Variants in SASH1 observed in about 807,000 individuals in gnomAD.
SASH1 encodes SAM and SH3 domain containing 1, also known as SAM and SH3 domain-containing protein 1.
In SASH1, 44 loss-of-function variants were observed where a neutral mutation model predicts 125.2. The observed-to-expected ratio is 0.35, with a 90% CI of 0.28 to 0.45. SASH1 has a LOEUF of 0.45. Ranked by LOEUF, SASH1 falls within the 20% of genes least tolerant of loss-of-function variation. The pLI, the probability that SASH1 is intolerant of heterozygous loss-of-function variation, is 1.00. For synonymous variants in SASH1, 639 were observed against 649.1 expected, an observed-to-expected ratio of 0.98 and a Z score of 0.24; for missense variants, 1,426 against 1,614.5, an observed-to-expected ratio of 0.88 and a Z score of 2.00.
At chr6:148,528,720 T>G (rs1328919574) in intron 12 of SASH1, among the ~76,000 whole-genome samples, 1 of 152,162 alleles carries the variant, frequency 6.6e-6, no homozygotes, top group Non-Finnish European at 1.5e-5. Context: ...CCCAATCTTT[T>G]TGCACCAGGG....
At chr6:148,507,601 C>T (rs866437413) in intron 8 of SASH1, among the ~76,000 whole-genome samples, 2 of 152,182 alleles carry the variant, frequency 1.3e-5, no homozygotes, top group South Asian at 4.1e-4. Context: ...GAACTCCTGG[C>T]CTCAAGTGAT....
the SASH1 span, among the ~76,000 whole-genome samples, chr6:148,240,558 A>G: frequency 2.0e-5 from 3 of 152,126 alleles, no homozygotes; most frequent in East Asian, 5.8e-4. Flanking sequence ...GCAAAAGAAG[A>G]TCAAATTTTC....
intron 1 of SASH1, among the ~76,000 whole-genome samples, chr6:148,310,813 TA>T (rs770918053): frequency 1.3e-5 from 2 of 151,484 alleles, no homozygotes; most frequent in African/African-American, 2.4e-5. Context: ...GAATGACTTT[TA>T]AAAAAAAAGG....
At chr6:148,205,350 C>T in the SASH1 span, among the ~76,000 whole-genome samples, 1 of 152,154 alleles carries the variant, frequency 6.6e-6, no homozygotes, top group Non-Finnish European at 1.5e-5. Flanking sequence ...TGCCCATCAG[C>T]CTTTGCCTTC....
At chr6:148,329,207 C>A (rs9403942) in intron 1 of SASH1, among the ~76,000 whole-genome samples, 1 of 152,080 alleles carries the variant, frequency 6.6e-6, no homozygotes, top group African/African-American at 2.4e-5. Flanking sequence ...TAGCTAGCAC[C>A]TAGTTGTTTC....
chr6:148,213,816 G>A, the SASH1 span, among the ~76,000 whole-genome samples: 3 of 152,034 alleles, frequency 2.0e-5, no homozygotes, highest in Admixed American at 1.3e-4. Context: ...ACCACTGTCA[G>A]GGCCCTACTA....
At position 148,468,633 on chromosome 6, in the gene SASH1, T is replaced by C. The variant is rs537286106; in HGVS notation, c.427+48T>C. The C allele has an allele frequency of 1.0e-5, 12 of 1,195,586 alleles. No homozygotes were observed. In the East Asian group the frequency reaches 1.7e-4, roughly 17 times the overall value. 74.1% of individuals were successfully genotyped at this position (1,195,586 alleles called of 1,614,324 possible). A position where few individuals can be genotyped will look rare whatever the true frequency, so the allele number is the denominator to read the frequency against. On this transcript the variant is annotated intron_variant, in intron 5 of 19. Coordinates refer to ENST00000367467, the MANE Select transcript of SASH1 (RefSeq NM_015278.5). ...TACCTATTTAATTATTTCAATACTT[T>C]ATAGAAAACACGAATATGTGAAAAT...
rs1054289165 is a variant in SASH1 at position 148,495,460 on chromosome 6, T to G, written c.729+7745T>G. On this transcript the variant is annotated intron_variant, in intron 8 of 19. Transcript: ENST00000367467. This position sits in a 1 kb window ranked among gnomAD's most constrained non-coding sequence, Gnocchi z 4.0. ...TTATTTTGAATTTTATTTTATTTTATTTTTTACTAGAGTAACTTTTAGACA... is the reference window on the plus strand; with the variant it reads ...TTATTTTGAATTTTATTTTATTTTAGTTTTTACTAGAGTAACTTTTAGACA... 1.3e-5 allele frequency among the ~76,000 whole-genome samples: 2 copies of G among 152,212 alleles called. No individual in the cohort carries two copies. Among genetic ancestry groups the G allele is most frequent in the African/African-American group, 4.8e-5 (2 of 41,452 alleles).
chr6:148,515,205 TTC>T (rs919260135), intron 9 of SASH1, among the ~76,000 whole-genome samples: 10 of 152,184 alleles, frequency 6.6e-5, no homozygotes, highest in African/African-American at 2.4e-4. Context: ...ATAAGATTTT[TTC>T]TGTTTGAAAA....
At chr6:148,313,969 G>A (rs1780407125) in intron 1 of SASH1, among the ~76,000 whole-genome samples, 1 of 152,076 alleles carries the variant, frequency 6.6e-6, no homozygotes, top group Non-Finnish European at 1.5e-5. Context: ...ATCACCTTTA[G>A]CATAAGCTCA....
upstream of SASH1, among the ~76,000 whole-genome samples, chr6:148,340,122 G>A (rs1423949769): frequency 6.6e-6 from 1 of 152,072 alleles, no homozygotes. Flanking sequence ...GTTATTTGCT[G>A]GAAAGTGTTT....
rs150166035 is a variant in SASH1 at position 148,535,225 on chromosome 6, C to T, written c.2095+324C>T. Reference sequence around the variant, plus strand: ...AACAAAAGAAAACCTCCTGTGCCGCCGCCACCTTTCCGGGCATGTTTCTAG... The same window carrying T: ...AACAAAAGAAAACCTCCTGTGCCGCTGCCACCTTTCCGGGCATGTTTCTAG... On this transcript the variant is annotated intron_variant, in intron 16 of 19. Transcript: ENST00000367467. 4.7e-3 allele frequency among the ~76,000 whole-genome samples: 717 copies of T among 152,336 alleles called. 8 individuals are homozygous for T. The highest frequency in any genetic ancestry group is 0.016 in the African/African-American group (675 of 41,568).
At chr6:148,420,692 T>A (rs1179391027) in intron 2 of SASH1, among the ~76,000 whole-genome samples, 1 of 152,212 alleles carries the variant, frequency 6.6e-6, no homozygotes, top group Non-Finnish European at 1.5e-5. Context: ...CCTATTTTTT[T>A]AATCGTTATG....
chr6:148,537,702 C>G (rs1300555789), intron 16 of SASH1, among the ~76,000 whole-genome samples: 1 of 151,966 alleles, frequency 6.6e-6, no homozygotes, highest in Non-Finnish European at 1.5e-5. Context: ...GTAACTGCTC[C>G]CCAGGCAATG....
intron 2 of SASH1, among the ~76,000 whole-genome samples, chr6:148,421,153 G>GGAAGGAAGGAAGGAAGGAAGGAAGA (rs1562396412): frequency 3.7e-5 from 3 of 80,992 alleles, no homozygotes; most frequent in Non-Finnish European, 8.5e-5. Context: ...AAGGAAGAAA[G>GGAAGGAAGGAAGGAAGGAAGGAAGA]AAAGAAAGAA....
chr6:148,347,125 C>G (rs1647463034), intron 1 of SASH1, among the ~76,000 whole-genome samples: 1 of 152,180 alleles, frequency 6.6e-6, no homozygotes, highest in African/African-American at 2.4e-5. Context: ...TTTTTCAGAA[C>G]TGATTTATCC....
chr6:148,472,574 C>T (rs1778169029), intron 6 of SASH1, among the ~76,000 whole-genome samples: 2 of 152,158 alleles, frequency 1.3e-5, no homozygotes, highest in South Asian at 4.2e-4. Context: ...CCCCATCACC[C>T]ACTCTGCCAT....
At chr6:148,198,426 A>G in the SASH1 span, among the ~76,000 whole-genome samples, 4 of 152,202 alleles carry the variant, frequency 2.6e-5, 1 homozygote, top group African/African-American at 9.6e-5. Flanking sequence ...CTTTATTGAT[A>G]TTGAGGTAGC....
chr6:148,343,100 G>GGAGCTT lies in SASH1; in HGVS notation c.37_38insTTGAGC (p.Glu12_Pro13insLeuGlu), dbSNP rs1554238066. ...ACGCGGGAGCAGCTGGCCCGGGGCCGGAGCCTGAGCCCGAGCCCGAGCCGG... is the reference window on the plus strand; with the variant it reads ...ACGCGGGAGCAGCTGGCCCGGGGCCGGAGCTTGAGCCTGAGCCCGAGCCCGAGCCGG... On this transcript the variant is annotated inframe_insertion, in exon 1 of 20. Transcript: ENST00000367467. The GGAGCTT allele has an allele frequency of 1.4e-6, 2 of 1,449,916 alleles. No individual in the cohort carries two copies. The highest frequency in any genetic ancestry group is 2.8e-5 in the African/African-American group (2 of 72,610). The allele number at this position is 1,449,916 out of a possible 1,614,324, so 89.8% of individuals were successfully genotyped here. A position where few individuals can be genotyped will look rare whatever the true frequency, so the allele number is the denominator to read the frequency against.
Sources: allele counts gnomAD v4.1 joint callset (sites outside exome capture counted in the v4.1 genomes callset), GRCh38; gene constraint gnomAD v4.1.1; non-coding constraint Gnocchi (gnomAD v3.1); transcripts MANE v1.5; gene names NCBI Gene and HGNC (gene_info 2026-07-23, HGNC 2026-07-21).